The following STPG2 variants were observed in gnomAD, a reference collection of about 807,000 sequenced individuals.
The protein encoded by STPG2 is sperm-tail PG-rich repeat-containing protein 2.
Under a neutral mutation model 54.2 loss-of-function variants are expected in STPG2, and 56 were observed. That is an observed-to-expected ratio of 1.03 (90% confidence interval 0.83 to 1.29). The LOEUF is 1.29. Among genes scored for constraint, STPG2 ranks in the 50% most tolerant of loss-of-function variants. The pLI, the probability that STPG2 is intolerant of heterozygous loss-of-function variation, is 0.00. For missense variants in STPG2, 596 were observed against 544.9 expected (o/e 1.09, Z -0.93); for synonymous variants, 200 against 181.8 (o/e 1.10, Z -0.81).
chr4:97,560,371 T>C (rs575299399), intron 10 of STPG2, among the ~76,000 whole-genome samples: 8 of 152,312 alleles, frequency 5.3e-5, no homozygotes, highest in African/African-American at 1.9e-4. Flanking sequence ...CCTTTCCTTT[T>C]TGGAGTACTA....
chr4:97,669,039 G>C (rs1722617471), intron 10 of STPG2, among the ~76,000 whole-genome samples: 1 of 151,204 alleles, frequency 6.6e-6, no homozygotes, highest in African/African-American at 2.4e-5. Context: ...GATCCAGAGA[G>C]GTTAAAAAAA....
chr4:98,126,821 G>GA (rs1287408297), intron 3 of STPG2, among the ~76,000 whole-genome samples: 2 of 151,968 alleles, frequency 1.3e-5, no homozygotes, highest in East Asian at 1.9e-4. Flanking sequence ...TATATGGGGA[G>GA]AAAAAATGAT....
In STPG2 at chr4:97,497,001, T is replaced by TA. The variant is rs1322340392; in HGVS notation, c.462+215697dup. Among the ~76,000 whole-genome samples, 287 of 146,188 alleles carry TA rather than the reference T, an allele frequency of 2.0e-3. 2 individuals carry two copies. The highest frequency in any genetic ancestry group is 6.9e-3 in the African/African-American group (262 of 37,958). On this transcript the variant is annotated intron_variant, in intron 4 of 4. Transcript: ENST00000522676. ...CCATCTTTTCCTTTTTTTTTTTTTTTAAAAAAAGCAGAGTTCCTGTGAGCA... is the reference window on the plus strand; with the variant it reads ...CCATCTTTTCCTTTTTTTTTTTTTTTAAAAAAAAGCAGAGTTCCTGTGAGCA...
intron 4 of STPG2, among the ~76,000 whole-genome samples, chr4:97,521,512 T>C (rs760447306): frequency 2.0e-5 from 3 of 152,030 alleles, no homozygotes; most frequent in African/African-American, 7.2e-5. Flanking sequence ...CATAAACTGA[T>C]ACTCAGAAAT....
chr4:97,883,964 T>A lies in STPG2; in HGVS notation c.1045-43032A>T, dbSNP rs917118888. On this transcript the variant is annotated intron_variant, in intron 8 of 10. Transcript: ENST00000295268. ...AAGGAAGGCAGATAGGAACAGAGGATGTGGTGGCTGAGAGGCAAAGATGGG... is the reference window on the plus strand; with the variant it reads ...AAGGAAGGCAGATAGGAACAGAGGAAGTGGTGGCTGAGAGGCAAAGATGGG... Among the ~76,000 whole-genome samples the A allele has an allele frequency of 3.3e-5, 5 of 151,944 alleles. No homozygotes were observed. In the East Asian group the frequency reaches 9.7e-4, roughly 29 times the overall value.
intron 9 of STPG2, among the ~76,000 whole-genome samples, chr4:97,718,230 C>G: frequency 6.6e-6 from 1 of 152,072 alleles, no homozygotes; most frequent in Non-Finnish European, 1.5e-5. Context: ...AAAATACCAA[C>G]TTTATTTTAA....
intron 9 of STPG2, among the ~76,000 whole-genome samples, chr4:97,731,741 C>T (rs1266996437): frequency 6.6e-6 from 1 of 152,200 alleles, no homozygotes; most frequent in East Asian, 1.9e-4. Context: ...GTCCATGAAA[C>T]CTGGGACTCA....
intron 10 of STPG2, among the ~76,000 whole-genome samples, chr4:97,703,885 G>A (rs1226537582): frequency 6.6e-6 from 1 of 151,178 alleles, no homozygotes; most frequent in Non-Finnish European, 1.5e-5. Context: ...ACAATAGGCT[G>A]TCTGCAAACT....
intron 4 of STPG2, among the ~76,000 whole-genome samples, chr4:97,493,931 C>T (rs1730555764): frequency 6.6e-6 from 1 of 151,520 alleles, no homozygotes; most frequent in African/African-American, 2.4e-5. Flanking sequence ...ACTGTGAAAT[C>T]CTTTGATAAG....
intron 10 of STPG2, among the ~76,000 whole-genome samples, chr4:97,559,411 G>T (rs1164088756): frequency 2.0e-5 from 3 of 152,076 alleles, no homozygotes; most frequent in Non-Finnish European, 2.9e-5. Flanking sequence ...TGTTGTCTAG[G>T]CCCACACATG....
chr4:97,575,333 A>G (rs1039919469), intron 10 of STPG2, among the ~76,000 whole-genome samples: 6 of 152,034 alleles, frequency 3.9e-5, no homozygotes, highest in African/African-American at 1.4e-4. Context: ...TAGAGACACA[A>G]TGAAAAAAGA....
At chr4:98,128,679 C>G (rs1276415141) in intron 2 of STPG2, 87 bp from the exon 3 acceptor site, 5 of 1,064,622 alleles carry the variant, frequency 4.7e-6, no homozygotes, top group Admixed American at 3.1e-5. Flanking sequence ...TAAAAGGCAA[C>G]TATTAAATAT....
chr4:98,134,436 A>G lies in STPG2; in HGVS notation c.133T>C (p.Leu45=), dbSNP rs921570796. 15 of 1,585,032 alleles carry G rather than the reference A, an allele frequency of 9.5e-6. No homozygotes were observed. The highest frequency in any genetic ancestry group is 1.1e-5 in the Non-Finnish European group (13 of 1,163,016). ...ATGSNAPFLS[L]TARESTFTIA... Reference sequence around the variant, plus strand: ...GTAAAAGTACTTTCTCTGGCAGTCAAAGAAAGAAATGGTGCATTACTACCT... The same window carrying G: ...GTAAAAGTACTTTCTCTGGCAGTCAGAGAAAGAAATGGTGCATTACTACCT... The change falls in exon 2 of 11, where the codon TTG becomes CTG. Residue 45 remains leucine (L), a synonymous_variant. Coordinates refer to ENST00000295268, the MANE Select transcript of STPG2 (RefSeq NM_174952.3).
Position 98,052,747 on chromosome 4 carries a change from A to G in STPG2, c.612+53206T>C, listed in dbSNP as rs112808494. ...ATCACATATTTAAAATACTTAACAC[A>G]GTGGCTATCACTTACTTAGTAGGCA... On this transcript the variant is annotated intron_variant, in intron 5 of 10. Coordinates refer to ENST00000295268, the MANE Select transcript of STPG2 (RefSeq NM_174952.3). Among the ~76,000 whole-genome samples the G allele has an allele frequency of 5.2e-3, 790 of 152,350 alleles. 4 individuals carry two copies. The highest frequency in any genetic ancestry group is 0.02 in the Middle Eastern group (6 of 294).
chr4:97,996,645 TA>T (rs1735251425), intron 5 of STPG2, among the ~76,000 whole-genome samples: 3 of 61,340 alleles, frequency 4.9e-5, no homozygotes, highest in Non-Finnish European at 7.5e-5. Flanking sequence ...AGACAACCTA[TA>T]GAATGAGAGA....
intron 4 of STPG2, among the ~76,000 whole-genome samples, chr4:97,504,023 ATTT>A (rs960170864): frequency 4.8e-5 from 7 of 144,608 alleles, no homozygotes; most frequent in Non-Finnish European, 7.6e-5. Context: ...ATATAAACAT[ATTT>A]TTTATTTTTA....
intron 9 of STPG2, among the ~76,000 whole-genome samples, chr4:97,814,659 T>C (rs1425112351): frequency 1.3e-5 from 2 of 152,054 alleles, no homozygotes; most frequent in Non-Finnish European, 2.9e-5. Context: ...GTCAGTGGGC[T>C]GGGAAAGGCA....
intron 10 of STPG2, among the ~76,000 whole-genome samples, chr4:97,578,229 C>T (rs1037138493): frequency 3.3e-5 from 5 of 151,686 alleles, no homozygotes; most frequent in Non-Finnish European, 4.4e-5. Context: ...CTCAACCTCC[C>T]GAGTAGCTGG....
chr4:97,870,684 G>T (rs1488251741), intron 8 of STPG2, among the ~76,000 whole-genome samples: 2 of 151,248 alleles, frequency 1.3e-5, no homozygotes, highest in Non-Finnish European at 3.0e-5. Context: ...AAAAATTGCA[G>T]GAGACTTGAG....
Sources: gnomAD v4.1 joint callset for allele counts (sites outside exome capture counted in the v4.1 genomes callset) on GRCh38, gnomAD v4.1.1 for gene constraint, MANE v1.5 for transcripts, NCBI Gene and HGNC (gene_info 2026-07-23, HGNC 2026-07-21) for gene names.